The following ELFN1 variants were observed in gnomAD, a reference collection of about 807,000 sequenced individuals.
The protein encoded by ELFN1 is extracellular leucine rich repeat and fibronectin type III domain containing 1.
Under a neutral mutation model 7.6 loss-of-function variants are expected in ELFN1, and 6 were observed. The ratio of observed to expected loss-of-function variants is 0.79; its 90% CI spans 0.43 to 1.56. The LOEUF (loss-of-function observed/expected upper bound fraction) is 1.56, where lower values mean the gene tolerates loss of function less well. Among genes scored for constraint, ELFN1 ranks in the 40% most tolerant of loss-of-function variants. The probability of loss-of-function intolerance (pLI) is 0.01; values close to 1 mark genes in which losing one functional copy is unlikely to be tolerated. For synonymous variants in ELFN1, 657 were observed against 588.1 expected (o/e 1.12, Z -1.70); for missense variants, 1,169 against 1,232.2 (o/e 0.95, Z 0.77).
intron 3 of ELFN1, among the ~76,000 whole-genome samples, chr7:1,723,103 A>G (rs1780073624): frequency 6.6e-6 from 1 of 152,252 alleles, no homozygotes; most frequent in African/African-American, 2.4e-5. Flanking sequence ...CTGAGGCAGG[A>G]GAATCACTTG....
At chr7:1,720,400 G>A (rs190429474) in intron 3 of ELFN1, among the ~76,000 whole-genome samples, 245 of 152,360 alleles carry the variant, frequency 1.6e-3, no homozygotes, top group Non-Finnish European at 2.6e-3. Context: ...CTGCGGGCAA[G>A]GGGCAGCCAG....
intron 2 of ELFN1, among the ~76,000 whole-genome samples, chr7:1,704,351 G>A (rs1159304697): frequency 6.6e-6 from 1 of 152,160 alleles, no homozygotes; most frequent in Non-Finnish European, 1.5e-5. Flanking sequence ...TCTTGGTCCT[G>A]ATCCGGACAA....
chr7:1,746,206 G>C lies in ELFN1; in HGVS notation c.1610G>C (p.Arg537Thr). ...CGAACCGGGGACCCTCCGGAACGCAGGGACTGTGAGCTGGGCCGGCCGGGC... is the reference window on the plus strand; with the variant it reads ...CGAACCGGGGACCCTCCGGAACGCACGGACTGTGAGCTGGGCCGGCCGGGC... The part of the protein sequence containing the change: ...EVRTGDPPER[R>T]DCELGRPGPD... Residue 537 changes from arginine (R) to threonine (T), a missense_variant, in exon 4 of 4, where the codon AGG (arginine) becomes ACG (threonine). By Grantham distance (71) the Arg-to-Thr change is moderately conservative. Transcript: ENST00000424383. 6.4e-7 allele frequency: 1 copy of C among 1,554,660 alleles called. No individual in the cohort carries two copies. The highest frequency in any genetic ancestry group is 8.7e-7 in the Non-Finnish European group (1 of 1,150,436).
In ELFN1 at chr7:1,745,902, G is replaced by T; in HGVS notation, c.1306G>T (p.Val436Phe). Residue 436 changes from valine (V) to phenylalanine (F), a missense_variant, in exon 4 of 4, where the codon GTC becomes TTC. Around this residue, in one of 2 missense-constraint regions of ELFN1, gnomAD observed 914 missense variants for 872.6 expected, o/e 1.05. Transcript: ENST00000424383. ...CGGCATGGTGCTGGTGCTGGGCGCC[G>T]TCTACTACTGCCTGCGCAGGCGGCG... ...LFGMVLVLGA[V>F]YYCLRRRRRQ... The T allele has an allele frequency of 6.3e-7, 1 of 1,584,996 alleles. No homozygotes were observed. Among genetic ancestry groups the T allele is most frequent in the Non-Finnish European group, 8.6e-7 (1 of 1,167,464 alleles).
chr7:1,712,207 G>T (rs765970425), intron 3 of ELFN1, among the ~76,000 whole-genome samples: 1 of 152,146 alleles, frequency 6.6e-6, no homozygotes, highest in Non-Finnish European at 1.5e-5. Context: ...TCTTTGAGAA[G>T]GAGTCTCGCT....
chr7:1,722,512 A>AC (rs1473123402), intron 3 of ELFN1, among the ~76,000 whole-genome samples: 6 of 151,160 alleles, frequency 4.0e-5, no homozygotes, highest in African/African-American at 9.7e-5. Flanking sequence ...CTGGTGATCC[A>AC]CCCCCCGCTC....
In ELFN1 at chr7:1,735,271, A is replaced by T. The variant is rs1332812334; in HGVS notation, c.-293-9033A>T. Among the ~76,000 whole-genome samples, 2 of 151,898 alleles carry T rather than the reference A, an allele frequency of 1.3e-5. No homozygotes were observed. The highest frequency in any genetic ancestry group is 4.8e-5 in the African/African-American group (2 of 41,326). On this transcript the variant is annotated intron_variant, in intron 3 of 3. Coordinates refer to ENST00000424383, the MANE Select transcript of ELFN1 (RefSeq NM_001128636.4). This position sits in a 1 kb window ranked among gnomAD's most constrained non-coding sequence, Gnocchi z 5.9. ...CTGCTCTTGGGGGCAGGGCAGGGGG[A>T]GCCCTGCAGCTTCCATGAGTCGTGT...
intron 3 of ELFN1, among the ~76,000 whole-genome samples, chr7:1,715,658 C>T (rs548369909): frequency 6.6e-6 from 1 of 152,270 alleles, no homozygotes; most frequent in Non-Finnish European, 1.5e-5. Context: ...TTTTAATTTC[C>T]TCCTGTAATT....
At chr7:1,709,537 C>T (rs1391768766) in intron 3 of ELFN1, among the ~76,000 whole-genome samples, 3 of 152,238 alleles carry the variant, frequency 2.0e-5, no homozygotes, top group African/African-American at 4.8e-5. Flanking sequence ...TGGCCATACT[C>T]GGGGTATGCC....
chr7:1,743,959 G>A (rs1780701298), intron 3 of ELFN1, among the ~76,000 whole-genome samples: 1 of 152,176 alleles, frequency 6.6e-6, no homozygotes, highest in South Asian at 2.1e-4. Context: ...GAGTGAAATG[G>A]GCTTCAGGGA....
At chr7:1,733,646 C>T (rs546999308) in intron 3 of ELFN1, among the ~76,000 whole-genome samples, 7 of 152,250 alleles carry the variant, frequency 4.6e-5, no homozygotes, top group African/African-American at 1.2e-4. Context: ...ACCTCCTAGG[C>T]TAGACTTTGC....
intron 2 of ELFN1, among the ~76,000 whole-genome samples, chr7:1,706,210 G>A (rs981664327): frequency 6.6e-6 from 1 of 152,216 alleles, no homozygotes; most frequent in Non-Finnish European, 1.5e-5. Flanking sequence ...GGATCACGAG[G>A]TCAGGAGTTC....
chr7:1,728,832 T>C (rs1168438415), intron 3 of ELFN1, among the ~76,000 whole-genome samples: 1 of 152,146 alleles, frequency 6.6e-6, no homozygotes, highest in African/African-American at 2.4e-5. Context: ...AAGGGGAGTT[T>C]CACACCAGCT....
chr7:1,732,674 T>C (rs1223481797), intron 3 of ELFN1, among the ~76,000 whole-genome samples: 1 of 151,984 alleles, frequency 6.6e-6, no homozygotes, highest in Non-Finnish European at 1.5e-5. Context: ...CAGGATGGCA[T>C]GGAGTTCCCC....
At chr7:1,712,711 T>C (rs10950335) in intron 3 of ELFN1, among the ~76,000 whole-genome samples, 28,681 of 152,074 alleles carry the variant, frequency 0.19, 3,014 homozygotes, top group Admixed American at 0.25. Context: ...GGATTACAGG[T>C]GTGAGCCACC....
At chr7:1,668,888 C>T (rs984617724), upstream of ELFN1, among the ~76,000 whole-genome samples, 4 of 152,164 alleles carry the variant, frequency 2.6e-5, no homozygotes, top group Non-Finnish European at 4.4e-5. Flanking sequence ...AGGGCCCCTG[C>T]CCCCCAGTAT....
chr7:1,696,344 G>A (rs1376969580), intron 2 of ELFN1, among the ~76,000 whole-genome samples: 1 of 151,346 alleles, frequency 6.6e-6, no homozygotes, highest in African/African-American at 2.4e-5. Flanking sequence ...GGGAAAGAGA[G>A]ACAGGGAGAG....
intron 2 of ELFN1, among the ~76,000 whole-genome samples, chr7:1,690,793 A>G (rs1779146175): frequency 6.6e-6 from 1 of 151,238 alleles, no homozygotes; most frequent in Non-Finnish European, 1.5e-5. Context: ...GAATGGGTGA[A>G]TGGATGGATG....
intron 2 of ELFN1, among the ~76,000 whole-genome samples, chr7:1,691,455 T>A (rs930430945): frequency 6.6e-6 from 1 of 152,180 alleles, no homozygotes; most frequent in African/African-American, 2.4e-5. Flanking sequence ...CCCTGAGATA[T>A]TCGGTTGGGT....
Sources: gnomAD v4.1 joint callset for allele counts (sites outside exome capture counted in the v4.1 genomes callset) on GRCh38, gnomAD v4.1.1 for gene constraint, gnomAD v4.1.1 regional missense constraint, Gnocchi (gnomAD v3.1) non-coding constraint, MANE v1.5 for transcripts, NCBI Gene and HGNC (gene_info 2026-07-23, HGNC 2026-07-21) for gene names.